NALF1: variants seen among roughly 807,000 people sequenced by gnomAD.
NALF1 encodes NALCN channel auxiliary factor 1.
In NALF1, 3 loss-of-function variants were observed where a neutral mutation model predicts 48.4. The observed-to-expected ratio is 0.06, with a 90% CI of 0.03 to 0.16. The LOEUF is 0.16. Ranked by LOEUF, NALF1 falls within the 10% of genes least tolerant of loss-of-function variation. The pLI is 1.00. For missense variants in NALF1, 526 were observed against 571.5 expected (o/e 0.92, Z 0.81); for synonymous variants, 262 against 245.7 (o/e 1.07, Z -0.62).
intron 1 of NALF1, among the ~76,000 whole-genome samples, chr13:107,234,179 G>A (rs939606156): frequency 1.3e-5 from 2 of 152,188 alleles, no homozygotes; most frequent in African/African-American, 4.8e-5. Flanking sequence ...AAAGAGTGAT[G>A]AATTGACATG....
intron 1 of NALF1, among the ~76,000 whole-genome samples, chr13:107,402,581 T>A (rs1173174902): frequency 6.6e-6 from 1 of 152,210 alleles, no homozygotes; most frequent in Non-Finnish European, 1.5e-5. Flanking sequence ...TTCTTTCAGT[T>A]ATGTATGTTG....
At chr13:107,380,737 G>T (rs1185250302) in intron 1 of NALF1, among the ~76,000 whole-genome samples, 1 of 152,132 alleles carries the variant, frequency 6.6e-6, no homozygotes, top group African/African-American at 2.4e-5. Flanking sequence ...CCAGCACTTT[G>T]GGAGGCTGAG....
At chr13:107,372,448 A>T (rs9559028) in intron 1 of NALF1, among the ~76,000 whole-genome samples, 86,103 of 152,090 alleles carry the variant, frequency 0.57, 25,036 homozygotes, top group East Asian at 0.74. Context: ...TTTTACTCTC[A>T]TAGTCCACAA....
At chr13:107,735,529 T>C (rs1430477324) in intron 1 of NALF1, among the ~76,000 whole-genome samples, 1 of 152,176 alleles carries the variant, frequency 6.6e-6, no homozygotes, top group Admixed American at 6.5e-5. Context: ...CGCACACATA[T>C]GTTTAATTTC....
intron 1 of NALF1, among the ~76,000 whole-genome samples, chr13:107,262,724 GA>G (rs1345878967): frequency 6.6e-6 from 1 of 150,594 alleles, no homozygotes; most frequent in Admixed American, 6.6e-5. Context: ...TTATCAGGGT[GA>G]AAGACATCCC....
At chr13:107,438,875 T>C (rs1594063464) in intron 1 of NALF1, among the ~76,000 whole-genome samples, 1 of 132,760 alleles carries the variant, frequency 7.5e-6, no homozygotes, top group South Asian at 2.4e-4. Flanking sequence ...GGTGTCGATG[T>C]TTGATTTTTA....
chr13:107,661,273 A>T (rs1880728460), intron 1 of NALF1, among the ~76,000 whole-genome samples: 1 of 152,206 alleles, frequency 6.6e-6, no homozygotes, highest in South Asian at 2.1e-4. Flanking sequence ...GCATTAAATG[A>T]AAACCTTTTC....
intron 1 of NALF1, among the ~76,000 whole-genome samples, chr13:107,797,197 A>C (rs1878452019): frequency 6.6e-6 from 1 of 151,336 alleles, no homozygotes; most frequent in Non-Finnish European, 1.5e-5. Flanking sequence ...ATCACCTCCC[A>C]TTTTTCTTTT....
intron 1 of NALF1, among the ~76,000 whole-genome samples, chr13:107,814,098 T>C (rs969435603): frequency 1.3e-5 from 2 of 152,136 alleles, no homozygotes; most frequent in Non-Finnish European, 2.9e-5. Context: ...AGACCACTGA[T>C]TCCTATTTCA....
At chr13:107,468,150 T>C (rs1885039701) in intron 1 of NALF1, among the ~76,000 whole-genome samples, 1 of 152,090 alleles carries the variant, frequency 6.6e-6, no homozygotes, top group Non-Finnish European at 1.5e-5. Flanking sequence ...GGAAAGGCAC[T>C]TGATTATCGC....
rs141118141 is a variant in NALF1, at chr13:107,819,693, C to CTG, written c.915+45988_915+45989insCA. ...GTCTCCAGCTGGAAATTCTCTCTCT[C>CTG]TCTCTCTCTCTCTCTCTCTCTCTCT... On this transcript the variant is annotated intron_variant, in intron 1 of 2. Transcript: ENST00000375915. 6.6e-3 allele frequency among the ~76,000 whole-genome samples: 983 copies of CTG among 149,448 alleles called. 10 individuals carry two copies. The highest frequency in any genetic ancestry group is 0.018 in the African/African-American group (727 of 40,572).
intron 1 of NALF1, among the ~76,000 whole-genome samples, chr13:107,436,646 C>G (rs888192943): frequency 6.6e-6 from 1 of 152,018 alleles, no homozygotes; most frequent in Non-Finnish European, 1.5e-5. Flanking sequence ...AAATATTGAA[C>G]ATTTTCACCC....
At chr13:107,724,895 C>G (rs1876103929) in intron 1 of NALF1, among the ~76,000 whole-genome samples, 3 of 152,020 alleles carry the variant, frequency 2.0e-5, no homozygotes. Context: ...CCTGTATTTT[C>G]TAGGAAGTCC....
intron 1 of NALF1, among the ~76,000 whole-genome samples, chr13:107,337,959 GGT>G (rs1269346350): frequency 1.3e-5 from 2 of 152,092 alleles, no homozygotes; most frequent in Admixed American, 6.5e-5. Context: ...AAAAAATTGT[GGT>G]GTCTGTGGTT....
intron 1 of NALF1, among the ~76,000 whole-genome samples, chr13:107,478,845 G>A (rs2139058941): frequency 6.6e-6 from 1 of 152,154 alleles, no homozygotes; most frequent in Admixed American, 6.6e-5. Context: ...ACGTATTACA[G>A]AGTTTTATTG....
intron 1 of NALF1, among the ~76,000 whole-genome samples, chr13:107,223,923 A>T (rs946765051): frequency 6.6e-6 from 1 of 152,214 alleles, no homozygotes; most frequent in Non-Finnish European, 1.5e-5. Context: ...ATCTTAGCCC[A>T]TGTCTTCTTT....
chr13:107,315,601 G>T (rs557526470), intron 1 of NALF1, among the ~76,000 whole-genome samples: 91 of 151,528 alleles, frequency 6.0e-4, no homozygotes, highest in African/African-American at 2.0e-3. Context: ...CCTTTTTTTT[G>T]ATTTTCTTTT....
At chr13:107,416,996 T>G (rs1780648799) in intron 1 of NALF1, among the ~76,000 whole-genome samples, 1 of 152,200 alleles carries the variant, frequency 6.6e-6, no homozygotes, top group Admixed American at 6.5e-5. Context: ...ACACTGATGC[T>G]CACGGTGGCA....
At chr13:107,448,258 G>T (rs1735205783) in intron 1 of NALF1, among the ~76,000 whole-genome samples, 1 of 152,124 alleles carries the variant, frequency 6.6e-6, no homozygotes, top group South Asian at 2.1e-4. Context: ...CCCAGCCACT[G>T]TGTGACGACT....
Sources: allele counts gnomAD v4.1 joint callset (sites outside exome capture counted in the v4.1 genomes callset), GRCh38; gene constraint gnomAD v4.1.1; transcripts MANE v1.5; gene names NCBI Gene and HGNC (gene_info 2026-07-23, HGNC 2026-07-21).